The following SDAD1 variants were observed in gnomAD, a reference collection of about 807,000 sequenced individuals.
SDAD1 encodes protein SDA1 homolog.
In SDAD1, 79 loss-of-function variants were observed where a neutral mutation model predicts 100.3. The ratio of observed to expected loss-of-function variants is 0.79; its 90% CI spans 0.66 to 0.95. The LOEUF is 0.95. Among genes scored for constraint, SDAD1 ranks in the 40% least tolerant of loss-of-function variants. The pLI is 0.00. For synonymous variants in SDAD1, 267 were observed against 271.4 expected (o/e 0.98, Z 0.16); for missense variants, 790 against 810.9 (o/e 0.97, Z 0.31).
intron 17 of SDAD1, among the ~76,000 whole-genome samples, chr4:75,959,325 TG>T (rs1161367633): frequency 1.3e-5 from 2 of 151,132 alleles, no homozygotes; most frequent in African/African-American, 4.9e-5. Flanking sequence ...TCAAATAGGC[TG>T]GGTGCACTGG....
At chr4:75,979,399 T>G (rs1451552971) in intron 3 of SDAD1, among the ~76,000 whole-genome samples, 1 of 152,124 alleles carries the variant, frequency 6.6e-6, no homozygotes, top group East Asian at 1.9e-4. Flanking sequence ...GTGTGTTCAA[T>G]GCTTCCTCTA....
At chr4:75,955,366 C>T (rs913663658) in intron 21 of SDAD1, among the ~76,000 whole-genome samples, 5 of 151,870 alleles carry the variant, frequency 3.3e-5, no homozygotes, top group East Asian at 1.9e-4. Flanking sequence ...CCAACTTTCA[C>T]TATCTTGTGT....
intron 21 of SDAD1, 49 bp downstream of exon 21, chr4:75,955,925 CT>C: frequency 6.5e-7 from 1 of 1,544,906 alleles, no homozygotes; most frequent in Non-Finnish European, 8.7e-7. Flanking sequence ...GTAAAGCTGT[CT>C]TGGAATTACA....
At chr4:75,984,768 CACACACACAA>C (rs1370543786) in intron 1 of SDAD1, among the ~76,000 whole-genome samples, 7 of 139,028 alleles carry the variant, frequency 5.0e-5, no homozygotes, top group Admixed American at 7.8e-5. Context: ...GACATACACA[CACACACACAA>C]ACACACACAC....
chr4:75,973,272 C>A, intron 8 of SDAD1, 45 bp downstream of exon 8: 1 of 1,462,052 alleles, frequency 6.8e-7, no homozygotes, highest in Non-Finnish European at 9.6e-7. Flanking sequence ...GTACTCAGAG[C>A]AATAATAAAA....
At chr4:75,986,666 C>T (rs1353993298) in intron 1 of SDAD1, among the ~76,000 whole-genome samples, 2 of 152,160 alleles carry the variant, frequency 1.3e-5, no homozygotes, top group African/African-American at 4.8e-5. Flanking sequence ...GGTTCTGCCC[C>T]ATCAGTATAT....
chr4:75,979,202 G>A (rs1730343903), intron 3 of SDAD1, among the ~76,000 whole-genome samples: 1 of 151,740 alleles, frequency 6.6e-6, no homozygotes, highest in Non-Finnish European at 1.5e-5. Context: ...TACTATATAT[G>A]GATATTTTAT....
At position 75,956,010 on chromosome 4, in the gene SDAD1, G is replaced by A. The variant is rs202126090; in HGVS notation, c.1981C>T (p.Arg661Trp). The change falls in exon 21 of 22, where the codon CGG becomes TGG. Residue 661 changes from arginine to tryptophan, a missense_variant. Transcript: ENST00000356260. Reference protein sequence around the residue: ...FMMMRYSQNVRSKNKRSFREK... With the variant: ...FMMMRYSQNVWSKNKRSFREK... ...CGGAAGGAACGCTTATTTTTTGACC[G>A]GACATTCTGGCTATACCGCATCATC... The A allele has an allele frequency of 9.8e-5, 157 of 1,598,598 alleles. No homozygotes were observed. The Middle Eastern group carries it at 1.3e-3, about 14-fold the overall frequency.
At chr4:75,965,570 C>T (rs1578125814) in intron 13 of SDAD1, among the ~76,000 whole-genome samples, 194 bp downstream of exon 13, 1 of 152,094 alleles carries the variant, frequency 6.6e-6, no homozygotes, top group Non-Finnish European at 1.5e-5. Flanking sequence ...CATGTGATGT[C>T]TCCCCTGGAC....
chr4:75,957,914 T>A lies in SDAD1; in HGVS notation c.1511A>T (p.Glu504Val). The A allele has an allele frequency of 6.2e-7, 1 of 1,613,006 alleles. No individual in the cohort carries two copies. Among genetic ancestry groups the A allele is most frequent in the South Asian group, 1.1e-5 (1 of 91,026 alleles). Residue 504 changes from glutamate to valine, a missense_variant, in exon 18 of 22, where the codon GAG becomes GTG. Physicochemically the swap from Glu to Val is moderately radical, Grantham distance 121. Coordinates refer to ENST00000356260, the MANE Select transcript of SDAD1 (RefSeq NM_018115.4). ...EDGWESTSLS[E>V]EEDADGEWID... ...CCATTCACCATCAGCATCCTCCTCCTCACTGAGACTGGTACTTTCCCATCC... is the reference window on the plus strand; with the variant it reads ...CCATTCACCATCAGCATCCTCCTCCACACTGAGACTGGTACTTTCCCATCC...
intron 17 of SDAD1, among the ~76,000 whole-genome samples, chr4:75,959,830 G>C (rs2149311392): frequency 6.6e-6 from 1 of 152,272 alleles, no homozygotes; most frequent in African/African-American, 2.4e-5. Flanking sequence ...GCATGCCCTT[G>C]GATGAGCGGC....
rs956645826 is a variant in SDAD1 at position 75,950,526 on chromosome 4, A to G, written c.*224T>C. ...TCAATACATACTTTTTTTTGCATGAATGATAAATGAAATGATTTTACATTA... is the reference window on the plus strand; with the variant it reads ...TCAATACATACTTTTTTTTGCATGAGTGATAAATGAAATGATTTTACATTA... On this transcript the variant is annotated 3_prime_UTR_variant, in exon 22 of 22. Transcript: ENST00000356260. 8.8e-6 allele frequency: 4 copies of G among 456,132 alleles called. No homozygotes were observed. In the Admixed American group the frequency reaches 1.0e-4, roughly 12 times the overall value. 28.3% of individuals were successfully genotyped at this position (456,132 alleles called of 1,614,324 possible). A position where few individuals can be genotyped will look rare whatever the true frequency, so the allele number is the denominator to read the frequency against.
rs745413013 is a variant in SDAD1 at position 75,973,417 on chromosome 4, G to A, written c.637-26C>T. ...CTAAACACCAATGAGAAAAAAGTCA[G>A]CTACTTGATTCAGCTTAAAATAAAG... is the stretch of plus-strand genomic sequence containing the variant. On this transcript the variant is annotated intron_variant, in intron 7 of 21. Transcript: ENST00000356260. 1.9e-5 allele frequency: 29 copies of A among 1,528,934 alleles called. 1 individual carries two copies. The South Asian group carries it at 3.3e-4, about 17-fold the overall frequency. The allele number at this position is 1,528,934 out of a possible 1,614,324, so 94.7% of individuals were successfully genotyped here.
chr4:75,961,166 G>A (rs994060624), intron 15 of SDAD1, 45 bp downstream of exon 15: 1 of 1,600,178 alleles, frequency 6.2e-7, no homozygotes, highest in African/African-American at 1.3e-5. Flanking sequence ...GTAAAAAGGA[G>A]TCACACTGTA....
intron 20 of SDAD1, 79 bp from the exon 21 acceptor site, chr4:75,956,215 T>C: frequency 6.8e-7 from 1 of 1,463,084 alleles, no homozygotes; most frequent in East Asian, 2.3e-5. Context: ...ATGTCTCCTC[T>C]GTGTCAGAAG....
chr4:75,958,357 G>A (rs536348398), intron 17 of SDAD1, among the ~76,000 whole-genome samples: 35 of 152,286 alleles, frequency 2.3e-4, no homozygotes, highest in South Asian at 6.2e-4. Context: ...TCCTGGCCAC[G>A]CAGCAGGCAT....
At chr4:75,957,433 A>C in intron 19 of SDAD1, 24 bp from the exon 20 acceptor site, 7 of 1,613,180 alleles carry the variant, frequency 4.3e-6, no homozygotes, top group Non-Finnish European at 5.9e-6. Context: ...AAAATAACAC[A>C]TGAAACAAGA....
chr4:75,967,229 T>C (rs1729597486), intron 12 of SDAD1, 48 bp downstream of exon 12: 2 of 1,560,622 alleles, frequency 1.3e-6, no homozygotes, highest in Admixed American at 1.7e-5. Flanking sequence ...TTTGCATGTT[T>C]ATTCTATTAC....
chr4:75,953,644 GT>G (rs1278979882), intron 21 of SDAD1, among the ~76,000 whole-genome samples: 5 of 152,222 alleles, frequency 3.3e-5, no homozygotes, highest in Non-Finnish European at 7.3e-5. Context: ...CCTTAATTCA[GT>G]GAATACTGAC....
Sources: gnomAD v4.1 joint callset for allele counts (sites outside exome capture counted in the v4.1 genomes callset) on GRCh38, gnomAD v4.1.1 for gene constraint, MANE v1.5 for transcripts, NCBI Gene and HGNC (gene_info 2026-07-23, HGNC 2026-07-21) for gene names.